The following ABTB1 variants were observed in gnomAD, a reference collection of about 807,000 sequenced individuals.
The protein encoded by ABTB1 is ankyrin repeat and BTB domain containing 1, also known as ankyrin repeat and BTB/POZ domain-containing protein 1.
ABTB1 carries 45 observed loss-of-function variants against 57.1 expected under a neutral mutation model. The ratio of observed to expected loss-of-function variants is 0.79; its 90% CI spans 0.62 to 1.01. The LOEUF (loss-of-function observed/expected upper bound fraction) is 1.01. Ranked by LOEUF, ABTB1 falls within the 50% of genes least tolerant of loss-of-function variation. ABTB1 has a pLI of 0.00. For missense variants in ABTB1, 630 were observed against 666.3 expected, an observed-to-expected ratio of 0.95 and a Z score of 0.60; for synonymous variants, 302 against 275.4, an observed-to-expected ratio of 1.10 and a Z score of -0.95.
intron 10 of ABTB1, chr3:127,678,119 G>A: frequency 2.7e-6 from 1 of 370,362 alleles, no homozygotes. Flanking sequence ...GCAGGAGGGT[G>A]GAGGGTGGGT....
At position 127,676,118 on chromosome 3, in the gene ABTB1, AG is replaced by A; in HGVS notation, c.320+5del. The stretch of plus-strand genomic sequence containing the variant: ...ACTATGACGACTTCTTGCAGCGGTG[AG>A]CCAGGGCACACGAGGGGTGCAGCAT... On this transcript the variant is annotated splice_donor_5th_base_variant and intron_variant, in intron 4 of 11. Transcript: ENST00000232744. This position sits in a 1 kb window ranked among gnomAD's most constrained non-coding sequence, Gnocchi z 5.4. 6.2e-7 allele frequency: 1 copy of A among 1,612,888 alleles called. No individual in the cohort carries two copies. The highest frequency in any genetic ancestry group is 8.5e-7 in the Non-Finnish European group (1 of 1,179,788).
rs1357756432 is a variant in ABTB1 at position 127,676,931 on chromosome 3, G to A, written c.527-36G>A. ...TTTCTGTGGGCCTGATGACAGCTGA[G>A]GTCCCGCAGGCCCTCATCCTCCCCA... On this transcript the variant is annotated intron_variant, in intron 6 of 11. Transcript: ENST00000232744. This position sits in a 1 kb window ranked among gnomAD's most constrained non-coding sequence, Gnocchi z 5.4. 3 of 1,595,102 alleles carry A rather than the reference G, an allele frequency of 1.9e-6. No homozygotes were observed. Among genetic ancestry groups the A allele is most frequent in the Non-Finnish European group, 2.6e-6 (3 of 1,165,214 alleles).
chr3:127,677,931 AG>A, intron 10 of ABTB1, 88 bp downstream of exon 10: 1 of 1,498,796 alleles, frequency 6.7e-7, no homozygotes, highest in Non-Finnish European at 9.0e-7. Flanking sequence ...GGTCTGTGGA[AG>A]GGCCCAGCTG....
In ABTB1 at chr3:127,680,104, T is replaced by G. The variant is rs1576452314; in HGVS notation, c.1149T>G (p.Gly383=). ...TGCTAGACGAGGACACTGTGGTGGGTGTGTGGCGCGTGGCCAAGCTCTTCC... is the reference window on the plus strand; with the variant it reads ...TGCTAGACGAGGACACTGTGGTGGGGGTGTGGCGCGTGGCCAAGCTCTTCC... ...AQMLDEDTVV[G]VWRVAKLFRL... The change falls in exon 11 of 12, where the codon GGT becomes GGG. Residue 383 remains glycine, a synonymous_variant. Coordinates refer to ENST00000232744, the MANE Select transcript of ABTB1 (RefSeq NM_172027.3). The G allele has an allele frequency of 6.2e-7, 1 of 1,613,830 alleles. No homozygotes were observed. Among genetic ancestry groups the G allele is most frequent in the Non-Finnish European group, 8.5e-7 (1 of 1,180,028 alleles).
intron 1 of ABTB1, 148 bp downstream of exon 1, chr3:127,673,229 C>T: frequency 1.3e-6 from 1 of 767,564 alleles, no homozygotes. Context: ...GGCAGACCAC[C>T]CGGACCCCCG....
chr3:127,680,741 G>A lies in ABTB1; in HGVS notation c.*266G>A, dbSNP rs1199679339. On this transcript the variant is annotated 3_prime_UTR_variant, in exon 12 of 12. Transcript: ENST00000232744. ...CTCAGGGAAACCTGGGGTGGGGGTG[G>A]GCTTTGGTCTTAGCACTTTCCTTCT... is the stretch of plus-strand genomic sequence containing the variant. 1 of 672,266 alleles carries A rather than the reference G, an allele frequency of 1.5e-6. No individual in the cohort carries two copies. The highest frequency in any genetic ancestry group is 1.8e-5 in the African/African-American group (1 of 55,752). The allele number at this position is 672,266 out of a possible 1,614,324, so 41.6% of individuals were successfully genotyped here.
Position 127,677,217 on chromosome 3 carries a change from A to C in ABTB1, c.693A>C (p.Pro231=). 1 of 1,609,252 alleles carries C rather than the reference A, an allele frequency of 6.2e-7. No homozygotes were observed. The change falls in exon 8 of 12, where the codon CCA becomes CCC. Residue 231 remains proline (P), a synonymous_variant. Transcript: ENST00000232744. ...TGAAGGTGCTGACCATCGAGCCCCC[A>C]CCTGCAGACCCCCGCCTCCGGGAGG... ...TCVKVLTIEP[P]PADPRLREDM...
rs762015302 is a variant in ABTB1 at position 127,676,550 on chromosome 3, C to T, written c.495C>T (p.Ala165=). 6.2e-7 allele frequency: 1 copy of T among 1,614,118 alleles called. No individual in the cohort carries two copies. ...TCTGCCCACAGATCAACCCCGTGGCCTTTGGGGCCCTGCTGCAGTACCTGT... is the reference window on the plus strand; with the variant it reads ...TCTGCCCACAGATCAACCCCGTGGCTTTTGGGGCCCTGCTGCAGTACCTGT... The part of the protein sequence containing the change: ...VLRHPLINPV[A]FGALLQYLYT... Residue 165 remains alanine (A), a synonymous_variant, in exon 6 of 12, where the codon GCC becomes GCT. Transcript: ENST00000232744. The surrounding 1 kb of genome is among the most constrained non-coding windows in gnomAD (Gnocchi z 5.4).
At chr3:127,678,058 T>C in intron 10 of ABTB1, 1 of 558,606 alleles carries the variant, frequency 1.8e-6, no homozygotes, top group East Asian at 3.3e-5. Flanking sequence ...GATGAGCCTG[T>C]GTCACAGACA....
rs1190156097 is a variant in ABTB1 at position 127,680,680 on chromosome 3, A to G, written c.*205A>G. On this transcript the variant is annotated 3_prime_UTR_variant, in exon 12 of 12. Coordinates refer to ENST00000232744, the MANE Select transcript of ABTB1 (RefSeq NM_172027.3). The stretch of plus-strand genomic sequence containing the variant: ...GGGATGAGCCCCCTCCCCCCAATGC[A>G]CAAGCCAGCCCCCAAGACCCTGGGG... 4 of 741,920 alleles carry G rather than the reference A, an allele frequency of 5.4e-6. No homozygotes were observed. Among genetic ancestry groups the G allele is most frequent in the Non-Finnish European group, 9.4e-6 (4 of 426,626 alleles). 46.0% of individuals were successfully genotyped at this position (741,920 alleles called of 1,614,324 possible).
chr3:127,673,255 G>A (rs2074891540), intron 1 of ABTB1, 174 bp downstream of exon 1: 1 of 563,244 alleles, frequency 1.8e-6, no homozygotes, highest in East Asian at 4.1e-5. Context: ...GCCCCCCAGC[G>A]GAAGCGCGCT....
At position 127,677,849 on chromosome 3, in the gene ABTB1, G is replaced by A. The variant is rs1295129335; in HGVS notation, c.1029+6G>A. 4 of 1,610,236 alleles carry A rather than the reference G, an allele frequency of 2.5e-6. No homozygotes were observed. Among genetic ancestry groups the A allele is most frequent in the African/African-American group, 2.7e-5 (2 of 74,856 alleles). ...TGTACAGCGACCACACTGAGGTGGG[G>A]GCTCAGGCAGAGCTGGGGATGGCAC... On this transcript the variant is annotated splice_donor_region_variant and intron_variant, in intron 10 of 11. Transcript: ENST00000232744.
In ABTB1 at chr3:127,676,713, C is replaced by G; in HGVS notation, c.526+132C>G. ...GTCCCCCCGGGGTGGTTCCAGCTGC[C>G]TCTCGGGTTGGGTTGCAAGAGAGAG... On this transcript the variant is annotated intron_variant, in intron 6 of 11. Coordinates refer to ENST00000232744, the MANE Select transcript of ABTB1 (RefSeq NM_172027.3). This position sits in a 1 kb window ranked among gnomAD's most constrained non-coding sequence, Gnocchi z 5.4. 1 of 1,233,786 alleles carries G rather than the reference C, an allele frequency of 8.1e-7. No homozygotes were observed. The highest frequency in any genetic ancestry group is 1.3e-5 in the South Asian group (1 of 74,346). 76.4% of individuals were successfully genotyped at this position (1,233,786 alleles called of 1,614,324 possible).
rs986806310 is a variant in ABTB1, at chr3:127,676,969, C to T, written c.529C>T (p.Arg177Cys). 49 of 1,613,162 alleles carry T rather than the reference C, an allele frequency of 3.0e-5. No homozygotes were observed. The highest frequency in any genetic ancestry group is 4.0e-5 in the African/African-American group (3 of 74,932). The change falls in exon 7 of 12, where the codon CGC (arginine) becomes TGC (cysteine). Residue 177 changes from arginine to cysteine, a missense_variant and splice_region_variant. Arg to Cys is a radical substitution (Grantham distance 180). Around this residue, in one of 3 missense-constraint regions of ABTB1, gnomAD observed 579 missense variants for 585.9 expected, o/e 0.99. Coordinates refer to ENST00000232744, the MANE Select transcript of ABTB1 (RefSeq NM_172027.3). The surrounding 1 kb of genome is among the most constrained non-coding windows in gnomAD (Gnocchi z 5.4). ...GALLQYLYTG[R>C]LDIGVEHVSD... is the part of the protein sequence containing the mutation. ...CTCATCCTCCCCACTGCCCCCAGGCCGCCTGGACATTGGCGTAGAGCATGT... is the reference window on the plus strand; with the variant it reads ...CTCATCCTCCCCACTGCCCCCAGGCTGCCTGGACATTGGCGTAGAGCATGT...
In ABTB1 at chr3:127,676,730, AAG is replaced by A. The variant is rs1486654862; in HGVS notation, c.526+156_526+157del. The A allele has an allele frequency of 4.8e-6, 5 of 1,045,660 alleles. No individual in the cohort carries two copies. In the South Asian group the frequency reaches 7.5e-5, roughly 16 times the overall value. 64.8% of individuals were successfully genotyped at this position (1,045,660 alleles called of 1,614,324 possible). On this transcript the variant is annotated intron_variant, in intron 6 of 11. Transcript: ENST00000232744. The surrounding 1 kb of genome is among the most constrained non-coding windows in gnomAD (Gnocchi z 5.4). ...CCAGCTGCCTCTCGGGTTGGGTTGCAAGAGAGAGGACTAGTGTGCCTGCTCAG... is the reference window on the plus strand; with the variant it reads ...CCAGCTGCCTCTCGGGTTGGGTTGCAAGAGAGGACTAGTGTGCCTGCTCAG...
intron 1 of ABTB1, 76 bp downstream of exon 1, chr3:127,673,157 C>T (rs888128300): frequency 1.5e-6 from 2 of 1,373,230 alleles, no homozygotes; most frequent in Admixed American, 6.7e-5. Flanking sequence ...GGACGGGCGG[C>T]TGGGCGGCCG....
At position 127,680,727 on chromosome 3, in the gene ABTB1, C is replaced by T. The variant is rs1272890122; in HGVS notation, c.*252C>T. 1 of 678,628 alleles carries T rather than the reference C, an allele frequency of 1.5e-6. No homozygotes were observed. Among genetic ancestry groups the T allele is most frequent in the East Asian group, 2.5e-5 (1 of 40,190 alleles). 42.0% of individuals were successfully genotyped at this position (678,628 alleles called of 1,614,324 possible). ...GGGGGTGGACACCACTCAGGGAAACCTGGGGTGGGGGTGGGCTTTGGTCTT... is the reference window on the plus strand; with the variant it reads ...GGGGGTGGACACCACTCAGGGAAACTTGGGGTGGGGGTGGGCTTTGGTCTT... On this transcript the variant is annotated 3_prime_UTR_variant, in exon 12 of 12. Coordinates refer to ENST00000232744, the MANE Select transcript of ABTB1 (RefSeq NM_172027.3).
chr3:127,675,841 A>C lies in ABTB1; in HGVS notation c.176-129A>C, dbSNP rs148653380. 3.4e-3 allele frequency: 4,344 copies of C among 1,294,528 alleles called. 13 individuals are homozygous for C. The highest frequency in any genetic ancestry group is 4.2e-3 in the Non-Finnish European group (3,953 of 940,226). 80.2% of individuals were successfully genotyped at this position (1,294,528 alleles called of 1,614,324 possible). A position where few individuals can be genotyped will look rare whatever the true frequency, so the allele number is the denominator to read the frequency against. On this transcript the variant is annotated intron_variant, in intron 3 of 11. Coordinates refer to ENST00000232744, the MANE Select transcript of ABTB1 (RefSeq NM_172027.3). ...AGGGTGTTGGGGTCAGAGTGGGCCC[A>C]GGGTAATTTGGGAAGGCATCGCCAG...
At chr3:127,674,825 C>T (rs189686136) in intron 3 of ABTB1, among the ~76,000 whole-genome samples, 37 of 152,366 alleles carry the variant, frequency 2.4e-4, no homozygotes, top group Middle Eastern at 3.4e-3. Context: ...GCCCAGTCAT[C>T]AGCATTTCTC....
Sources: gnomAD v4.1 joint callset for allele counts (sites outside exome capture counted in the v4.1 genomes callset) on GRCh38, gnomAD v4.1.1 for gene constraint, gnomAD v4.1.1 regional missense constraint, Gnocchi (gnomAD v3.1) non-coding constraint, MANE v1.5 for transcripts, NCBI Gene and HGNC (gene_info 2026-07-23, HGNC 2026-07-21) for gene names.